SLC24A2: variants seen among roughly 807,000 people sequenced by gnomAD.
The protein encoded by SLC24A2 is sodium/potassium/calcium exchanger 2.
A neutral mutation model predicts 62.0 loss-of-function variants in SLC24A2; 36 were observed. The ratio of observed to expected loss-of-function variants is 0.58; its 90% confidence interval spans 0.44 to 0.77. SLC24A2 has a LOEUF of 0.77. Ranked by LOEUF, SLC24A2 falls within the 30% of genes least tolerant of loss-of-function variation. The pLI is 0.00. For synonymous variants in SLC24A2, 358 were observed against 294.0 expected, an observed-to-expected ratio of 1.22 and a Z score of -2.23; for missense variants, 846 against 817.9, an observed-to-expected ratio of 1.03 and a Z score of -0.42.
At chr9:19,840,621 A>C in the SLC24A2 span, among the ~76,000 whole-genome samples, 1 of 152,206 alleles carries the variant, frequency 6.6e-6, no homozygotes, top group Non-Finnish European at 1.5e-5. Context: ...ATTGGTATCC[A>C]GTTTTTCATT....
chr9:19,525,765 G>GTTTTTTTTTTT (rs71496823), intron 9 of SLC24A2, among the ~76,000 whole-genome samples: 1 of 99,132 alleles, frequency 1.0e-5, no homozygotes, highest in Non-Finnish European at 2.0e-5. Context: ...ACATGCTACT[G>GTTTTTTTTTTT]TTTTTTTTTT....
At chr9:19,907,577 C>A in the SLC24A2 span, among the ~76,000 whole-genome samples, 1 of 152,178 alleles carries the variant, frequency 6.6e-6, no homozygotes, top group East Asian at 1.9e-4. Flanking sequence ...TCTAGAAAAC[C>A]CCATCGTCTC....
At chr9:19,797,980 G>T in the SLC24A2 span, among the ~76,000 whole-genome samples, 5 of 152,136 alleles carry the variant, frequency 3.3e-5, no homozygotes, top group African/African-American at 1.2e-4. Flanking sequence ...CAACCTTTGT[G>T]TTTCCAAATA....
At chr9:20,100,177 T>TG in the SLC24A2 span, among the ~76,000 whole-genome samples, 2 of 148,168 alleles carry the variant, frequency 1.3e-5, no homozygotes, top group African/African-American at 2.4e-5. Context: ...TGGCTAACTT[T>TG]TTGTGTGTGT....
chr9:19,702,855 T>A (rs1024401524), intron 2 of SLC24A2, among the ~76,000 whole-genome samples: 4 of 152,168 alleles, frequency 2.6e-5, no homozygotes, highest in African/African-American at 7.2e-5. Flanking sequence ...AGAAAATAAA[T>A]AAATTCATTG....
the SLC24A2 span, among the ~76,000 whole-genome samples, chr9:20,243,087 A>G: frequency 2.4e-4 from 37 of 152,038 alleles, no homozygotes; most frequent in African/African-American, 8.4e-4. Context: ...TTTCTTACAG[A>G]CCTCCTTGGT....
chr9:19,765,093 T>C (rs971645853), intron 2 of SLC24A2, among the ~76,000 whole-genome samples: 1 of 152,218 alleles, frequency 6.6e-6, no homozygotes, highest in Admixed American at 6.5e-5. Context: ...TAAAGTCTGT[T>C]TTATCAGAGA....
chr9:19,530,193 A>T (rs1322065185), intron 8 of SLC24A2, among the ~76,000 whole-genome samples: 1 of 150,144 alleles, frequency 6.7e-6, no homozygotes, highest in African/African-American at 2.5e-5. Context: ...TAAAGTTCCC[A>T]TCCTTTTCAT....
At chr9:19,608,628 C>T (rs1262839494) in intron 4 of SLC24A2, among the ~76,000 whole-genome samples, 1 of 152,158 alleles carries the variant, frequency 6.6e-6, no homozygotes, top group Non-Finnish European at 1.5e-5. Flanking sequence ...CATATGACTT[C>T]CCATAGCCAC....
intron 2 of SLC24A2, among the ~76,000 whole-genome samples, chr9:19,690,193 A>G (rs1396615258): frequency 1.3e-5 from 2 of 151,986 alleles, no homozygotes; most frequent in Non-Finnish European, 1.5e-5. Context: ...ACACACACAC[A>G]CGCGCATGCA....
chr9:19,574,168 G>C (rs750929815), intron 6 of SLC24A2, among the ~76,000 whole-genome samples: 23 of 152,192 alleles, frequency 1.5e-4, no homozygotes, highest in Admixed American at 3.9e-4. Flanking sequence ...CCAGTGCCTA[G>C]GTGGCCATGG....
At chr9:20,170,131 C>G in the SLC24A2 span, among the ~76,000 whole-genome samples, 1 of 134,122 alleles carries the variant, frequency 7.5e-6, no homozygotes, top group Non-Finnish European at 1.6e-5. Context: ...CCAACAAAGA[C>G]AAAAAGAAAA....
At chr9:20,080,257 T>G in the SLC24A2 span, among the ~76,000 whole-genome samples, 1 of 152,334 alleles carries the variant, frequency 6.6e-6, no homozygotes, top group Admixed American at 6.5e-5. Context: ...AAAAACAGCA[T>G]GGTACTGTTA....
intron 2 of SLC24A2, among the ~76,000 whole-genome samples, chr9:19,683,066 T>C (rs963707092): frequency 1.3e-5 from 2 of 151,998 alleles, no homozygotes; most frequent in Non-Finnish European, 2.9e-5. Context: ...CCTAGCATAA[T>C]GCTGATGCAA....
At chr9:19,782,341 T>C (rs1029186085) in intron 2 of SLC24A2, among the ~76,000 whole-genome samples, 1 of 152,066 alleles carries the variant, frequency 6.6e-6, no homozygotes, top group Non-Finnish European at 1.5e-5. Context: ...GCCCCAAACA[T>C]CTATAAATAA....
the SLC24A2 span, among the ~76,000 whole-genome samples, chr9:20,081,616 A>T: frequency 6.6e-6 from 1 of 152,054 alleles, no homozygotes; most frequent in African/African-American, 2.4e-5. Context: ...GTACCCTAAA[A>T]TTTAAAGTAT....
At chr9:20,203,857 G>A in the SLC24A2 span, among the ~76,000 whole-genome samples, 1 of 152,160 alleles carries the variant, frequency 6.6e-6, no homozygotes, top group African/African-American at 2.4e-5. Flanking sequence ...ATGCATATCA[G>A]CAGACCCATA....
chr9:20,206,563 C>T, the SLC24A2 span, among the ~76,000 whole-genome samples: 1 of 152,112 alleles, frequency 6.6e-6, no homozygotes, highest in Non-Finnish European at 1.5e-5. Context: ...AATCTCGGCT[C>T]ACTGCAACCT....
intron 10 of SLC24A2, among the ~76,000 whole-genome samples, chr9:19,517,959 T>A (rs2209801): frequency 0.15 from 19,868 of 132,638 alleles, 1,764 homozygotes; most frequent in South Asian, 0.33. Flanking sequence ...ACACACACAC[T>A]CTCACACTTC....
Sources: gnomAD v4.1 joint callset for allele counts (sites outside exome capture counted in the v4.1 genomes callset) on GRCh38, gnomAD v4.1.1 for gene constraint, MANE v1.5 for transcripts, NCBI Gene and HGNC (gene_info 2026-07-23, HGNC 2026-07-21) for gene names.